PDLIM5: variants seen among roughly 807,000 people sequenced by gnomAD.
The protein encoded by PDLIM5 is PDZ and LIM domain 5, also known as PDZ and LIM domain protein 5.
In PDLIM5, 34 loss-of-function variants were observed where a neutral mutation model predicts 64.2. That is an observed-to-expected ratio of 0.53 (90% CI 0.40 to 0.71). The LOEUF (loss-of-function observed/expected upper bound fraction) is 0.71, where lower values mean the gene tolerates loss of function less well. Ranked by LOEUF, PDLIM5 falls within the 30% of genes least tolerant of loss-of-function variation. The pLI is 0.00. For missense variants in PDLIM5, 683 were observed against 733.6 expected, an observed-to-expected ratio of 0.93 and a Z score of 0.80; for synonymous variants, 253 against 269.1, an observed-to-expected ratio of 0.94 and a Z score of 0.59.
At chr4:94,494,771 C>T (rs1578250047) in intron 2 of PDLIM5, among the ~76,000 whole-genome samples, 1 of 151,016 alleles carries the variant, frequency 6.6e-6, no homozygotes, top group Non-Finnish European at 1.5e-5. Flanking sequence ...TTTTTTGTGA[C>T]AGAGTCTTGC....
chr4:94,604,432 G>A (rs62316479), intron 7 of PDLIM5, among the ~76,000 whole-genome samples: 47 of 152,222 alleles, frequency 3.1e-4, no homozygotes, highest in Admixed American at 1.4e-3. Context: ...TCGGGAGTTC[G>A]AGACCAGCCT....
intron 3 of PDLIM5, among the ~76,000 whole-genome samples, chr4:94,544,865 G>A (rs1358196840): frequency 6.6e-6 from 1 of 152,120 alleles, no homozygotes; most frequent in Non-Finnish European, 1.5e-5. Flanking sequence ...CCTCTGTTTT[G>A]GGAAGTATGT....
chr4:94,588,107 A>T, intron 7 of PDLIM5: 1 of 935,794 alleles, frequency 1.1e-6, no homozygotes, highest in South Asian at 4.9e-5. Flanking sequence ...AAAGTATTGT[A>T]ATAAAGTTGC....
intron 3 of PDLIM5, among the ~76,000 whole-genome samples, chr4:94,556,736 A>G (rs1291594337): frequency 1.3e-5 from 2 of 152,010 alleles, no homozygotes; most frequent in Admixed American, 1.3e-4. Context: ...TCCTTCACCC[A>G]CTTTTTGATG....
rs866791873 is a variant in PDLIM5 at position 94,665,774 on chromosome 4, A to G, written c.*1707A>G. 2.1e-5 allele frequency: 27 copies of G among 1,265,916 alleles called. No individual in the cohort carries two copies. Among genetic ancestry groups the G allele is most frequent in the Admixed American group, 7.9e-5 (2 of 25,398 alleles). The allele number at this position is 1,265,916 out of a possible 1,614,324, so 78.4% of individuals were successfully genotyped here. A position where few individuals can be genotyped will look rare whatever the true frequency, so the allele number is the denominator to read the frequency against. On this transcript the variant is annotated 3_prime_UTR_variant, in exon 13 of 13. Transcript: ENST00000317968. The stretch of plus-strand genomic sequence containing the variant: ...GACTTTTTGTGGTTTTCTCTCAATA[A>G]TAAGTGAACCAATTTCAAATGTGAT...
At position 94,523,992 on chromosome 4, in the gene PDLIM5, A is replaced by G. The variant is rs140576903; in HGVS notation, c.248+117A>G. 6.1e-3 allele frequency: 3,945 copies of G among 647,694 alleles called. 201 individuals carry two copies. The Admixed American group carries it at 0.097, about 16-fold the overall frequency. 40.1% of individuals were successfully genotyped at this position (647,694 alleles called of 1,614,324 possible). On this transcript the variant is annotated intron_variant, in intron 3 of 12. Transcript: ENST00000317968. ...TTTCTGCTACCATCATTTCAGGTAA[A>G]TAAAAAATATAATGGCTCTTAAATT...
intron 7 of PDLIM5, among the ~76,000 whole-genome samples, chr4:94,617,644 CAAAA>C (rs61055444): frequency 4.5e-5 from 3 of 66,592 alleles, no homozygotes; most frequent in Admixed American, 1.7e-4. Flanking sequence ...CCTGTGTCTA[CAAAA>C]AAAAAAAAAA....
intron 2 of PDLIM5, among the ~76,000 whole-genome samples, chr4:94,504,507 C>T (rs1189587893): frequency 1.3e-5 from 2 of 151,980 alleles, no homozygotes; most frequent in African/African-American, 2.4e-5. Flanking sequence ...GGATGGTCTC[C>T]GTCTCGTGAC....
intron 2 of PDLIM5, among the ~76,000 whole-genome samples, chr4:94,510,069 G>A (rs569547724): frequency 1.3e-5 from 2 of 152,300 alleles, no homozygotes; most frequent in Middle Eastern, 3.4e-3. Context: ...TAAACGTATA[G>A]TAAATGAATA....
At chr4:94,478,911 T>TTTG (rs1275437478) in intron 2 of PDLIM5, among the ~76,000 whole-genome samples, 3 of 145,298 alleles carry the variant, frequency 2.1e-5, no homozygotes, top group African/African-American at 8.1e-5. Context: ...TTTTTTTTTT[T>TTTG]TTTTTTAAGA....
At chr4:94,639,499 C>G (rs1161929351) in intron 8 of PDLIM5, among the ~76,000 whole-genome samples, 1 of 152,098 alleles carries the variant, frequency 6.6e-6, no homozygotes, top group Non-Finnish European at 1.5e-5. Flanking sequence ...ACAATGTGAA[C>G]TATCAAACCA....
At chr4:94,661,532 G>C (rs142202763) in intron 11 of PDLIM5, among the ~76,000 whole-genome samples, 4 of 152,020 alleles carry the variant, frequency 2.6e-5, no homozygotes, top group African/African-American at 7.2e-5. Flanking sequence ...TCTGGCTAAG[G>C]GTTTTCAACA....
chr4:94,465,918 G>A (rs968486071), intron 2 of PDLIM5, among the ~76,000 whole-genome samples: 2 of 144,902 alleles, frequency 1.4e-5, no homozygotes, highest in Non-Finnish European at 3.0e-5. Context: ...GTTTGTGTAT[G>A]TGTGTGTATG....
intron 3 of PDLIM5, among the ~76,000 whole-genome samples, chr4:94,542,016 AAAGT>A (rs1389822681): frequency 1.3e-5 from 2 of 152,142 alleles, no homozygotes; most frequent in African/African-American, 4.8e-5. Flanking sequence ...ATGGGAATTT[AAAGT>A]AAGAGGCCCG....
chr4:94,558,974 T>G (rs1560702067), intron 3 of PDLIM5, among the ~76,000 whole-genome samples: 1 of 152,132 alleles, frequency 6.6e-6, no homozygotes. Context: ...ATAGCAGTCA[T>G]AAATTTAAGT....
intron 3 of PDLIM5, among the ~76,000 whole-genome samples, chr4:94,564,250 T>C (rs1417969821): frequency 1.3e-5 from 2 of 151,944 alleles, no homozygotes; most frequent in Admixed American, 1.3e-4. Flanking sequence ...GCATGAGCCA[T>C]CGTGCCCGGC....
chr4:94,542,307 CAAAT>C (rs547938931), intron 3 of PDLIM5, among the ~76,000 whole-genome samples: 2 of 150,198 alleles, frequency 1.3e-5, no homozygotes, highest in Non-Finnish European at 3.0e-5. Context: ...GTGAAACTGT[CAAAT>C]AAATAAATAA....
intron 5 of PDLIM5, chr4:94,579,682 G>A: frequency 2.2e-6 from 1 of 446,178 alleles, no homozygotes; most frequent in East Asian, 3.5e-5. Flanking sequence ...CAGTAAGCTT[G>A]GTTTGCATTG....
intron 3 of PDLIM5, among the ~76,000 whole-genome samples, chr4:94,525,615 T>G (rs1439874689): frequency 1.3e-5 from 2 of 152,202 alleles, no homozygotes; most frequent in Non-Finnish European, 2.9e-5. Context: ...ATAGGATAAA[T>G]TATATTTACC....
Sources: gnomAD v4.1 joint callset for allele counts (sites outside exome capture counted in the v4.1 genomes callset) on GRCh38, gnomAD v4.1.1 for gene constraint, MANE v1.5 for transcripts, NCBI Gene and HGNC (gene_info 2026-07-23, HGNC 2026-07-21) for gene names.